SHANK2: variants seen among roughly 807,000 people sequenced by gnomAD.
The protein encoded by SHANK2 is SH3 and multiple ankyrin repeat domains 2.
SHANK2 carries 43 observed loss-of-function variants against 133.7 expected under a neutral mutation model. That is an observed-to-expected ratio of 0.32 (90% CI 0.25 to 0.41). The LOEUF is 0.41. Among genes scored for constraint, SHANK2 ranks in the 10% least tolerant of loss-of-function variants. The pLI, the probability that SHANK2 is intolerant of heterozygous loss-of-function variation, is 1.00. For missense variants in SHANK2, 1,994 were observed against 2,235.8 expected (o/e 0.89, Z 2.18); for synonymous variants, 1,017 against 952.8 (o/e 1.07, Z -1.24).
At chr11:71,225,698 G>A (rs1222404791) in intron 1 of SHANK2, among the ~76,000 whole-genome samples, 4 of 152,198 alleles carry the variant, frequency 2.6e-5, no homozygotes, top group African/African-American at 4.8e-5. Context: ...AGGATGATCT[G>A]ACAAAGAGTT....
intron 2 of SHANK2, among the ~76,000 whole-genome samples, chr11:71,161,658 C>T (rs1331124922): frequency 2.0e-5 from 3 of 152,188 alleles, no homozygotes; most frequent in African/African-American, 7.2e-5. Context: ...ACCTGGAAAC[C>T]CTCCCCTGAC....
intron 6 of SHANK2, among the ~76,000 whole-genome samples, chr11:71,099,175 T>C (rs1951676897): frequency 1.3e-5 from 2 of 151,828 alleles, no homozygotes; most frequent in Non-Finnish European, 1.5e-5. Flanking sequence ...TGGGAAACAA[T>C]CACCACCAAG....
intron 24 of SHANK2, chr11:70,489,013 T>C: frequency 2.7e-6 from 1 of 370,292 alleles, no homozygotes; most frequent in South Asian, 2.5e-5. Context: ...GATTTCATGT[T>C]GGGAGCATGC....
intron 14 of SHANK2, among the ~76,000 whole-genome samples, chr11:70,783,409 G>C (rs1947556593): frequency 6.6e-6 from 1 of 152,038 alleles, no homozygotes. Context: ...CGGGACAGAG[G>C]GACAAATCCC....
chr11:70,756,946 C>T (rs181694969), intron 14 of SHANK2, among the ~76,000 whole-genome samples: 327 of 152,272 alleles, frequency 2.1e-3, no homozygotes, highest in Non-Finnish European at 3.4e-3. Flanking sequence ...CCTGGGCCAA[C>T]CACTCCACTT....
intron 17 of SHANK2, among the ~76,000 whole-genome samples, chr11:70,575,014 A>G (rs1403649858): frequency 6.6e-6 from 1 of 152,104 alleles, no homozygotes; most frequent in Admixed American, 6.6e-5. Context: ...ACTCACACAC[A>G]GGAAGCCACA....
At chr11:70,897,972 C>CT (rs1367146082) in intron 10 of SHANK2, among the ~76,000 whole-genome samples, 231 of 116,532 alleles carry the variant, frequency 2.0e-3, no homozygotes, top group African/African-American at 2.9e-3. Context: ...TTTTTTTTTT[C>CT]TTTTTTTTTT....
intron 21 of SHANK2, among the ~76,000 whole-genome samples, chr11:70,496,395 G>A (rs2058971276): frequency 6.6e-6 from 1 of 152,150 alleles, no homozygotes; most frequent in South Asian, 2.1e-4. Flanking sequence ...GCCTCCCTGG[G>A]GCACCGCCTC....
At chr11:70,654,700 GC>G (rs1555011050) in intron 17 of SHANK2, among the ~76,000 whole-genome samples, 3 of 144,452 alleles carry the variant, frequency 2.1e-5, no homozygotes, top group Admixed American at 7.1e-5. Context: ...TATTAGCCCC[GC>G]CCCCTCCCTG....
Position 70,500,587 on chromosome 11 carries a change from G to A in SHANK2, c.2291C>T (p.Ser764Leu), listed in dbSNP as rs2059035463. The A allele has an allele frequency of 3.1e-6, 5 of 1,602,710 alleles. No homozygotes were observed. The highest frequency in any genetic ancestry group is 3.4e-6 in the Non-Finnish European group (4 of 1,174,860). The change falls in exon 21 of 26, where the codon TCG (serine) becomes TTG (leucine). Residue 764 changes from serine (S) to leucine (L), a missense_variant. Physicochemically the swap from Ser to Leu is moderately radical, Grantham distance 145. Coordinates refer to ENST00000601538, the MANE Select transcript of SHANK2 (RefSeq NM_012309.5). The surrounding 1 kb of genome is among the most constrained non-coding windows in gnomAD (Gnocchi z 4.5). ...SELEELVDKA[S>L]VRKKKDKPEE... ...TCCCTTACCCTTCTTCTTCCGGACCGAGGCTTGCAAACAGAAAGGGGACCG... is the reference window on the plus strand; with the variant it reads ...TCCCTTACCCTTCTTCTTCCGGACCAAGGCTTGCAAACAGAAAGGGGACCG...
At chr11:70,867,594 G>A (rs1949387332) in intron 11 of SHANK2, among the ~76,000 whole-genome samples, 1 of 152,184 alleles carries the variant, frequency 6.6e-6, no homozygotes, top group Admixed American at 6.5e-5. Flanking sequence ...TGAATGTGGG[G>A]TCAGCTCAGC....
intron 17 of SHANK2, among the ~76,000 whole-genome samples, chr11:70,618,309 AAAAAG>A (rs1235275758): frequency 2.0e-5 from 3 of 152,026 alleles, no homozygotes; most frequent in Non-Finnish European, 4.4e-5. Context: ...AAAAAAAAAA[AAAAAG>A]AAATGTTTGA....
chr11:70,900,571 G>A (rs1162976937), intron 10 of SHANK2, among the ~76,000 whole-genome samples: 3 of 152,194 alleles, frequency 2.0e-5, no homozygotes, highest in African/African-American at 4.8e-5. Context: ...TAGTGATTCC[G>A]GGATTCTCCT....
In SHANK2 at chr11:70,479,807, C is replaced by T. The variant is rs576876712; in HGVS notation, c.4979+5507G>A. Among the ~76,000 whole-genome samples, 2 of 152,338 alleles carry T rather than the reference C, an allele frequency of 1.3e-5. No homozygotes were observed. The highest frequency in any genetic ancestry group is 4.1e-4 in the South Asian group (2 of 4,826). On this transcript the variant is annotated intron_variant, in intron 25 of 25. Coordinates refer to ENST00000601538, the MANE Select transcript of SHANK2 (RefSeq NM_012309.5). The surrounding 1 kb of genome is among the most constrained non-coding windows in gnomAD (Gnocchi z 4.4). ...ATCGGCGCCTGGTATGTGTCAGTAT[C>T]TCTCAATAAAGCTGGAGGGCACATG...
At position 70,502,741 on chromosome 11, in the gene SHANK2, A is replaced by AT; in HGVS notation, c.2197+54_2197+55insA. The AT allele has an allele frequency of 3.1e-5, 12 of 381,842 alleles. 2 individuals carry two copies. The highest frequency in any genetic ancestry group is 6.3e-5 in the South Asian group (3 of 47,378). The allele number at this position is 381,842 out of a possible 1,614,324, so 23.7% of individuals were successfully genotyped here. A position where few individuals can be genotyped will look rare whatever the true frequency, so the allele number is the denominator to read the frequency against. ...CCCCCCAGCTGTCCTGCCCGCCCCCACCCCCCCCCCCCAGTAGGGCCCCAG... is the reference window on the plus strand; with the variant it reads ...CCCCCCAGCTGTCCTGCCCGCCCCCATCCCCCCCCCCCCAGTAGGGCCCCAG... On this transcript the variant is annotated intron_variant, in intron 18 of 25. Transcript: ENST00000601538.
intron 25 of SHANK2, chr11:70,477,741 C>T (rs2135688858): frequency 6.6e-6 from 1 of 152,330 alleles, no homozygotes; most frequent in East Asian, 1.9e-4. Flanking sequence ...AGTGTCCTGC[C>T]CCACATTGCT....
chr11:70,744,277 C>G (rs1318177), intron 14 of SHANK2, among the ~76,000 whole-genome samples: 1 of 152,190 alleles, frequency 6.6e-6, no homozygotes, highest in Non-Finnish European at 1.5e-5. Context: ...TGGGCTCGGG[C>G]GATCAGATCC....
chr11:70,916,981 C>T (rs1950280289), intron 10 of SHANK2, among the ~76,000 whole-genome samples: 1 of 152,146 alleles, frequency 6.6e-6, no homozygotes, highest in African/African-American at 2.4e-5. Context: ...GGATGCTTTG[C>T]TTAATTTTTA....
intron 10 of SHANK2, among the ~76,000 whole-genome samples, chr11:70,897,624 T>C (rs1418188396): frequency 6.6e-6 from 1 of 152,196 alleles, no homozygotes; most frequent in Non-Finnish European, 1.5e-5. Context: ...CAAATATCTA[T>C]AACATCTTCC....
Sources: gnomAD v4.1 joint callset for allele counts (sites outside exome capture counted in the v4.1 genomes callset) on GRCh38, gnomAD v4.1.1 for gene constraint, Gnocchi (gnomAD v3.1) non-coding constraint, MANE v1.5 for transcripts, NCBI Gene and HGNC (gene_info 2026-07-23, HGNC 2026-07-21) for gene names.